Variants in MICU1 observed in about 807,000 individuals in gnomAD.
The protein encoded by MICU1 is calcium uptake protein 1, mitochondrial.
A neutral mutation model predicts 56.8 loss-of-function variants in MICU1; 45 were observed. The ratio of observed to expected loss-of-function variants is 0.79; its 90% CI spans 0.62 to 1.02. The LOEUF is 1.02. MICU1 is among the 50% of genes least tolerant of loss of function. The probability of loss-of-function intolerance (pLI) is 0.00; values close to 1 mark genes in which losing one functional copy is unlikely to be tolerated. For missense variants in MICU1, 504 were observed against 587.1 expected (o/e 0.86, Z 1.46); for synonymous variants, 186 against 195.1 (o/e 0.95, Z 0.39).
chr10:72,391,406 C>CAGCCTGGTCGACAG (rs1351360781), intron 10 of MICU1, among the ~76,000 whole-genome samples: 4 of 151,660 alleles, frequency 2.6e-5, no homozygotes, highest in Non-Finnish European at 5.9e-5. Flanking sequence ...CACTCCAGCC[C>CAGCCTGGTCGACAG]AGCCTGGTCG....
intron 1 of MICU1, among the ~76,000 whole-genome samples, chr10:72,601,802 C>T (rs1589381435): frequency 7.0e-6 from 1 of 143,460 alleles, no homozygotes. Context: ...TTTTCTTTTT[C>T]TTTTTTTTTT....
At chr10:72,440,188 G>A (rs1422433653) in intron 8 of MICU1, among the ~76,000 whole-genome samples, 1 of 152,100 alleles carries the variant, frequency 6.6e-6, no homozygotes, top group Non-Finnish European at 1.5e-5. Flanking sequence ...CATGGTACTG[G>A]TACCAAAACA....
intron 1 of MICU1, among the ~76,000 whole-genome samples, chr10:72,591,039 T>C (rs1841211916): frequency 6.6e-6 from 1 of 152,040 alleles, no homozygotes. Flanking sequence ...ACTTATAAAT[T>C]ATCTTTTCTG....
At chr10:72,420,379 T>TCTC (rs1864118699) in intron 9 of MICU1, among the ~76,000 whole-genome samples, 1 of 152,138 alleles carries the variant, frequency 6.6e-6, no homozygotes, top group Non-Finnish European at 1.5e-5. Flanking sequence ...TGTCTTTTCT[T>TCTC]CTCCTTTGCC....
intron 1 of MICU1, among the ~76,000 whole-genome samples, chr10:72,607,350 A>T (rs1394276920): frequency 6.8e-6 from 1 of 147,460 alleles, no homozygotes; most frequent in Non-Finnish European, 1.5e-5. Flanking sequence ...TCAAAAAAAA[A>T]AAAAAGGGAG....
At chr10:72,423,140 T>G (rs1864232169) in intron 9 of MICU1, 94 bp downstream of exon 9, 2 of 1,484,458 alleles carry the variant, frequency 1.3e-6, no homozygotes, top group Admixed American at 2.2e-5. Context: ...CATTGGTTCA[T>G]GAAATACTCT....
chr10:72,512,592 ATGAG>A (rs1172467453), intron 5 of MICU1, among the ~76,000 whole-genome samples: 1 of 152,170 alleles, frequency 6.6e-6, no homozygotes, highest in African/African-American at 2.4e-5. Context: ...TTATTCATGT[ATGAG>A]TATCTGTTTG....
chr10:72,529,666 T>A (rs1199378503), intron 5 of MICU1, among the ~76,000 whole-genome samples: 1 of 151,436 alleles, frequency 6.6e-6, no homozygotes, highest in African/African-American at 2.4e-5. Context: ...TAAGAGAAAA[T>A]GGGAAAATAA....
At chr10:72,393,194 G>C (rs1164244733) in intron 10 of MICU1, among the ~76,000 whole-genome samples, 2 of 152,140 alleles carry the variant, frequency 1.3e-5, no homozygotes, top group African/African-American at 4.8e-5. Context: ...CCCAAGTGTT[G>C]TTCTAGGCAC....
Position 72,585,869 on chromosome 10 carries a change from C to T in MICU1, c.-1-19075G>A, listed in dbSNP as rs80256835. On this transcript the variant is annotated intron_variant, in intron 1 of 11. Transcript: ENST00000361114. ...ATAATATTTGCATTCAAACTATGCA[C>T]ATCCTGTCATATACTCTAAACCATC... Among the ~76,000 whole-genome samples, 1,295 of 152,034 alleles carry T rather than the reference C, an allele frequency of 8.5e-3. 19 individuals carry two copies. The highest frequency in any genetic ancestry group is 0.029 in the African/African-American group (1,222 of 41,436).
intron 1 of MICU1, among the ~76,000 whole-genome samples, chr10:72,598,151 T>C (rs1006549698): frequency 2.0e-4 from 31 of 152,068 alleles, no homozygotes; most frequent in African/African-American, 7.0e-4. Context: ...AGTCATCACA[T>C]CCCTATTTTG....
chr10:72,402,574 C>T (rs1022789410), intron 10 of MICU1, among the ~76,000 whole-genome samples: 2 of 150,984 alleles, frequency 1.3e-5, no homozygotes, highest in Non-Finnish European at 1.5e-5. Flanking sequence ...TTAAAAAAAA[C>T]AAAAAACAAA....
intron 8 of MICU1, among the ~76,000 whole-genome samples, chr10:72,446,946 G>C (rs780359228): frequency 9.9e-5 from 15 of 151,932 alleles, no homozygotes; most frequent in Admixed American, 1.3e-4. Flanking sequence ...CTTCTACAAA[G>C]ACAACAAAAA....
intron 8 of MICU1, among the ~76,000 whole-genome samples, chr10:72,432,106 T>A (rs113556969): frequency 0.015 from 1,820 of 119,432 alleles, 39 homozygotes; most frequent in African/African-American, 0.045. Flanking sequence ...TTTTTTTTTT[T>A]AATTTGAGGC....
At chr10:72,565,160 C>T (rs1840397874) in intron 2 of MICU1, among the ~76,000 whole-genome samples, 1 of 151,210 alleles carries the variant, frequency 6.6e-6, no homozygotes. Context: ...AAGGATCATA[C>T]ATCATGCTGC....
chr10:72,444,681 C>A (rs1176695102), intron 8 of MICU1, among the ~76,000 whole-genome samples: 1 of 152,124 alleles, frequency 6.6e-6, no homozygotes, highest in Admixed American at 6.5e-5. Context: ...AACTCCTGTG[C>A]TCAGTGATCC....
At chr10:72,517,540 T>C (rs1867684517) in intron 5 of MICU1, among the ~76,000 whole-genome samples, 1 of 152,158 alleles carries the variant, frequency 6.6e-6, no homozygotes, top group Non-Finnish European at 1.5e-5. Context: ...CTAAACATTG[T>C]ATGTTCTCAT....
intron 8 of MICU1, among the ~76,000 whole-genome samples, chr10:72,447,699 T>C (rs939510243): frequency 2.6e-5 from 4 of 152,106 alleles, no homozygotes; most frequent in African/African-American, 9.7e-5. Context: ...AAAAAATCAA[T>C]TGTGCCTCAG....
chr10:72,563,516 T>C (rs1326444719), intron 2 of MICU1, among the ~76,000 whole-genome samples: 1 of 152,188 alleles, frequency 6.6e-6, no homozygotes, highest in Non-Finnish European at 1.5e-5. Flanking sequence ...ATGAGTTACC[T>C]GGAATATTTA....
Sources: allele counts gnomAD v4.1 joint callset (sites outside exome capture counted in the v4.1 genomes callset), GRCh38; gene constraint gnomAD v4.1.1; transcripts MANE v1.5; gene names NCBI Gene and HGNC (gene_info 2026-07-23, HGNC 2026-07-21).